Variants in SMIM9 observed in about 807,000 individuals in gnomAD.
SMIM9 encodes the protein chromosome X open reading frame 68.
A neutral mutation model predicts 7.2 loss-of-function variants in SMIM9; 8 were observed. The observed-to-expected ratio is 1.10, with a 90% CI of 0.65 to 1.99. The LOEUF (loss-of-function observed/expected upper bound fraction) is 1.99. SMIM9 is among the 30% of genes most tolerant of loss of function. The pLI, the probability that SMIM9 is intolerant of heterozygous loss-of-function variation, is 0.00. For missense variants in SMIM9, 76 were observed against 69.3 expected (o/e 1.10, Z -0.34); for synonymous variants, 19 against 26.4 (o/e 0.72, Z 0.86).
intron 3 of SMIM9, 55 bp from the exon 4 acceptor site, chrX:154,829,719 G>A: frequency 8.9e-7 from 1 of 1,124,333 alleles, no homozygotes; most frequent in African/African-American, 1.8e-5. Flanking sequence ...TGATAGGGCT[G>A]GCGTTTGAAT....
intron 4 of SMIM9, among the ~76,000 whole-genome samples, chrX:154,824,805 C>T (rs1557270144): frequency 8.9e-6 from 1 of 112,102 alleles, no homozygotes; most frequent in East Asian, 2.8e-4. Flanking sequence ...ACCTCTGCTT[C>T]TGGAATGCTG....
intron 2 of SMIM9, among the ~76,000 whole-genome samples, chrX:154,832,318 T>C (rs1277360370): frequency 8.9e-6 from 1 of 111,914 alleles, no homozygotes; most frequent in African/African-American, 3.2e-5. Context: ...ATAAAAGAGA[T>C]GGTGCTACCA....
chrX:154,825,380 A>G (rs1343807675), intron 4 of SMIM9, among the ~76,000 whole-genome samples: 2 of 92,851 alleles, frequency 2.2e-5, no homozygotes, highest in Non-Finnish European at 4.4e-5. Context: ...TGACAGACTG[A>G]GACTTCACCT....
chrX:154,829,531 T>C lies in SMIM9; in HGVS notation c.272+4A>G. On this transcript the variant is annotated splice_donor_region_variant and intron_variant, in intron 4 of 4. Coordinates refer to ENST00000369529, the MANE Select transcript of SMIM9 (RefSeq NM_001162936.4). ...CCCTGTCTCTTCTTCCCACAGAAGC[T>C]TACGTGAAGCAGCAGAGGATCCCCA... is the stretch of plus-strand genomic sequence containing the variant. 1 of 1,166,412 alleles carries C rather than the reference T, an allele frequency of 8.6e-7. No individual in the cohort carries two copies. Among genetic ancestry groups the C allele is most frequent in the African/African-American group, 1.8e-5 (1 of 56,180 alleles).
chrX:154,833,274 G>C (rs1217707832), intron 1 of SMIM9, among the ~76,000 whole-genome samples: 1 of 112,189 alleles, frequency 8.9e-6, no homozygotes, highest in Non-Finnish European at 1.9e-5. Flanking sequence ...CAGCATATAC[G>C]ACAGACATTC....
intron 3 of SMIM9, 91 bp downstream of exon 3, chrX:154,830,624 T>A: frequency 5.7e-6 from 6 of 1,058,168 alleles, no homozygotes; most frequent in Non-Finnish European, 7.5e-6. Flanking sequence ...ACATTCTTTT[T>A]AAACATGAAA....
At chrX:154,824,686 CT>C (rs1172847153) in intron 4 of SMIM9, among the ~76,000 whole-genome samples, 1 of 112,490 alleles carries the variant, frequency 8.9e-6, no homozygotes, top group Non-Finnish European at 1.9e-5. Context: ...TAGCCCCAGA[CT>C]GATGGACATT....
rs184141613 is a variant in SMIM9, at chrX:154,830,770, C to A, written c.87G>T (p.Leu29Phe). 1,357 of 1,165,704 alleles carry A rather than the reference C, an allele frequency of 1.2e-3. 9 individuals carry two copies. In the African/African-American group the frequency reaches 0.022, roughly 19 times the overall value. Residue 29 changes from leucine to phenylalanine, a missense_variant, in exon 3 of 5, where the codon TTG (leucine) becomes TTT (phenylalanine). Coordinates refer to ENST00000369529, the MANE Select transcript of SMIM9 (RefSeq NM_001162936.4). The stretch of plus-strand genomic sequence containing the variant: ...CTTGTATTCCCAAGGCAGACAAAGG[C>A]AAAGGAGAGGAAGCTACTGTCTCCA... Reference protein sequence around the residue: ...LLLETVASSPLPLSALGIQEK... With the variant: ...LLLETVASSPFPLSALGIQEK...
In SMIM9 at chrX:154,823,614, A is replaced by C. The variant is rs2072405850; in HGVS notation, c.*141T>G. 1 of 506,793 alleles carries C rather than the reference A, an allele frequency of 2.0e-6. No individual in the cohort carries two copies. The highest frequency in any genetic ancestry group is 2.4e-5 in the African/African-American group (1 of 41,198). 41.8% of individuals were successfully genotyped at this position (506,793 alleles called of 1,213,427 possible). A position where few individuals can be genotyped will look rare whatever the true frequency, so the allele number is the denominator to read the frequency against. ...ATTGCAACTTTTGAAGGAGAAAATG[A>C]AGGCAAAGGATGATTCAAGTTGGAA... is the stretch of plus-strand genomic sequence containing the variant. On this transcript the variant is annotated 3_prime_UTR_variant, in exon 5 of 5. Transcript: ENST00000369529.
chrX:154,827,680 A>T (rs1390259659), intron 4 of SMIM9, among the ~76,000 whole-genome samples: 1 of 112,581 alleles, frequency 8.9e-6, no homozygotes, highest in Non-Finnish European at 1.9e-5. Context: ...AAGGAACAGG[A>T]TTGCTGAACA....
chrX:154,824,798 T>G (rs782536793), intron 4 of SMIM9, among the ~76,000 whole-genome samples: 1 of 112,230 alleles, frequency 8.9e-6, no homozygotes, highest in South Asian at 3.7e-4. Context: ...GATTTCCACC[T>G]CTGCTTCTGG....
chrX:154,831,511 A>G (rs1171264413), intron 2 of SMIM9, among the ~76,000 whole-genome samples: 1 of 110,139 alleles, frequency 9.1e-6, no homozygotes, highest in Non-Finnish European at 1.9e-5. Flanking sequence ...TTACTTACAA[A>G]ACGTATCCAG....
intron 4 of SMIM9, among the ~76,000 whole-genome samples, chrX:154,829,164 T>C (rs782372571): frequency 5.5e-4 from 62 of 112,450 alleles, no homozygotes; most frequent in Admixed American, 8.5e-4. Flanking sequence ...TGTAGATAAA[T>C]ATTATGATAA....
At chrX:154,823,810 G>T in intron 4 of SMIM9, 28 bp from the exon 5 acceptor site, 1 of 1,148,301 alleles carries the variant, frequency 8.7e-7, no homozygotes, top group Non-Finnish European at 1.2e-6. Context: ...AATGGTGAAT[G>T]CTCTGCACAG....
Position 154,823,713 on chromosome X carries a change from A to G in SMIM9, c.*42T>C. On this transcript the variant is annotated 3_prime_UTR_variant, in exon 5 of 5. Coordinates refer to ENST00000369529, the MANE Select transcript of SMIM9 (RefSeq NM_001162936.4). ...CAAATGCCCCACTCTTTTGGAGTCC[A>G]ACTGGAGAGACCACACTTGCCCTGT... The G allele has an allele frequency of 1.8e-6, 2 of 1,132,085 alleles. No individual in the cohort carries two copies. Among genetic ancestry groups the G allele is most frequent in the Non-Finnish European group, 2.3e-6 (2 of 852,087 alleles). 93.3% of individuals were successfully genotyped at this position (1,132,085 alleles called of 1,213,427 possible).
At chrX:154,833,897 T>G (rs782426363) in intron 1 of SMIM9, among the ~76,000 whole-genome samples, 1 of 111,965 alleles carries the variant, frequency 8.9e-6, no homozygotes, top group Non-Finnish European at 1.9e-5. Context: ...AAAATGAAAG[T>G]TTTTGTAGAG....
At chrX:154,824,273 C>T (rs868968414) in intron 4 of SMIM9, among the ~76,000 whole-genome samples, 3 of 98,086 alleles carry the variant, frequency 3.1e-5, no homozygotes, top group South Asian at 9.9e-4. Flanking sequence ...AGGAGAATGG[C>T]GTGAACCCGG....
intron 1 of SMIM9, among the ~76,000 whole-genome samples, chrX:154,833,708 C>G (rs1557270721): frequency 1.8e-5 from 2 of 108,520 alleles, no homozygotes; most frequent in Non-Finnish European, 3.8e-5. Context: ...ACATGTATCC[C>G]AGAACTTAAA....
intron 4 of SMIM9, among the ~76,000 whole-genome samples, chrX:154,824,343 G>T (rs1363448770): frequency 7.2e-5 from 5 of 69,581 alleles, no homozygotes; most frequent in African/African-American, 2.8e-4. Flanking sequence ...GCGACAGAGC[G>T]AGACTCCGTC....
Sources: allele counts gnomAD v4.1 joint callset (sites outside exome capture counted in the v4.1 genomes callset), GRCh38; gene constraint gnomAD v4.1.1; transcripts MANE v1.5; gene names NCBI Gene and HGNC (gene_info 2026-07-23, HGNC 2026-07-21).